ABCA5: variants seen among roughly 807,000 people sequenced by gnomAD.
ABCA5 encodes cholesterol transporter ABCA5.
Under a neutral mutation model 206.0 loss-of-function variants are expected in ABCA5, and 163 were observed. The ratio of observed to expected loss-of-function variants is 0.79; its 90% CI spans 0.70 to 0.90. The LOEUF (loss-of-function observed/expected upper bound fraction) is 0.90, where lower values mean the gene tolerates loss of function less well. Among genes scored for constraint, ABCA5 ranks in the 40% least tolerant of loss-of-function variants. The pLI is 0.00. For missense variants in ABCA5, 1,859 were observed against 1,912.9 expected, an observed-to-expected ratio of 0.97 and a Z score of 0.53; for synonymous variants, 609 against 613.8, an observed-to-expected ratio of 0.99 and a Z score of 0.11.
chr17:69,274,136 G>GAAA lies in ABCA5; in HGVS notation c.2595-11_2595-9dup. On this transcript the variant is annotated splice_polypyrimidine_tract_variant and intron_variant, in intron 19 of 38. Coordinates refer to ENST00000392676, the MANE Select transcript of ABCA5 (RefSeq NM_172232.4). ...ATTAAAAGCAGAAGCAACCTGAAAA[G>GAAA]AAAAAAAAAACAACACAGCTCAGGG... 2 of 1,382,496 alleles carry GAAA rather than the reference G, an allele frequency of 1.4e-6. No homozygotes were observed. Among genetic ancestry groups the GAAA allele is most frequent in the East Asian group, 2.7e-5 (1 of 37,052 alleles). 85.6% of individuals were successfully genotyped at this position (1,382,496 alleles called of 1,614,324 possible). A position where few individuals can be genotyped will look rare whatever the true frequency, so the allele number is the denominator to read the frequency against.
At chr17:69,322,165 A>G (rs1187687545) in intron 1 of ABCA5, among the ~76,000 whole-genome samples, 1 of 151,980 alleles carries the variant, frequency 6.6e-6, no homozygotes, top group Non-Finnish European at 1.5e-5. Flanking sequence ...AGGTCAGGAG[A>G]CAGAAACTAT....
intron 5 of ABCA5, 22 bp downstream of exon 5, chr17:69,308,258 T>C (rs1567780779): frequency 6.8e-7 from 1 of 1,467,090 alleles, no homozygotes; most frequent in Admixed American, 1.8e-5. Flanking sequence ...AGTTTTTGTA[T>C]TTCTTCCTTT....
intron 6 of ABCA5, among the ~76,000 whole-genome samples, chr17:69,305,505 G>A (rs2075706634): frequency 6.6e-6 from 1 of 152,166 alleles, no homozygotes; most frequent in Non-Finnish European, 1.5e-5. Context: ...GACCCTGAGA[G>A]AATGATTTGC....
At chr17:69,291,423 T>C in intron 11 of ABCA5, 97 bp from the exon 12 acceptor site, 1 of 669,554 alleles carries the variant, frequency 1.5e-6, no homozygotes, top group Non-Finnish European at 2.5e-6. Context: ...AGGCACTATA[T>C]CTATAAATAC....
chr17:69,267,798 A>G (rs2075227360), intron 23 of ABCA5, 145 bp downstream of exon 23: 1 of 432,010 alleles, frequency 2.3e-6, no homozygotes. Context: ...CACTTATTAC[A>G]ATAAGAAACT....
rs930095369 is a variant in ABCA5 at position 69,279,170 on chromosome 17, T to C, written c.2393-1328A>G. Reference sequence around the variant, plus strand: ...TCAGCCCAAAATCTCCTTCAGCTGATAGGCAACTTCAGCAAAGTCTCAGGA... The same window carrying C: ...TCAGCCCAAAATCTCCTTCAGCTGACAGGCAACTTCAGCAAAGTCTCAGGA... On this transcript the variant is annotated intron_variant, in intron 18 of 38. Transcript: ENST00000392676. Among the ~76,000 whole-genome samples, 23 of 152,308 alleles carry C rather than the reference T, an allele frequency of 1.5e-4. No individual in the cohort carries two copies. In the Middle Eastern group the frequency reaches 0.01, roughly 68 times the overall value.
intron 24 of ABCA5, among the ~76,000 whole-genome samples, chr17:69,263,384 C>A (rs1189031819): frequency 6.6e-6 from 1 of 152,160 alleles, no homozygotes; most frequent in Non-Finnish European, 1.5e-5. Flanking sequence ...AATCTTTAAT[C>A]CATCTTGAGT....
chr17:69,277,588 T>C (rs1490341369), intron 19 of ABCA5, 53 bp downstream of exon 19: 5 of 1,408,706 alleles, frequency 3.5e-6, no homozygotes, highest in East Asian at 5.0e-5. Flanking sequence ...GTAAAACCAA[T>C]GTGTATCCTT....
intron 1 of ABCA5, chr17:69,315,399 C>A (rs2075806105): frequency 1.3e-5 from 2 of 152,206 alleles, no homozygotes; most frequent in Admixed American, 1.3e-4. Context: ...TGGTTGACAG[C>A]CTGCTAAGAG....
intron 1 of ABCA5, among the ~76,000 whole-genome samples, chr17:69,317,516 T>G (rs1008122623): frequency 1.3e-5 from 2 of 152,028 alleles, no homozygotes; most frequent in African/African-American, 4.8e-5. Context: ...TGTTATATGA[T>G]TCCCTTTATA....
chr17:69,310,286 T>C (rs564559442), intron 3 of ABCA5, among the ~76,000 whole-genome samples: 5 of 152,140 alleles, frequency 3.3e-5, no homozygotes, highest in African/African-American at 1.2e-4. Flanking sequence ...TAGTCACTCA[T>C]CACCATGCCT....
At chr17:69,261,438 T>C (rs910183899) in intron 25 of ABCA5, among the ~76,000 whole-genome samples, 179 bp from the exon 26 acceptor site, 2 of 152,036 alleles carry the variant, frequency 1.3e-5, no homozygotes, top group African/African-American at 4.8e-5. Context: ...GATACACTAG[T>C]TGCTAAATCT....
At chr17:69,292,812 A>C (rs1183881684) in intron 11 of ABCA5, among the ~76,000 whole-genome samples, 1 of 152,214 alleles carries the variant, frequency 6.6e-6, no homozygotes, top group Non-Finnish European at 1.5e-5. Flanking sequence ...CTGCTAGTAG[A>C]ATTAAAAGGC....
rs763053145 is a variant in ABCA5 at position 69,306,815 on chromosome 17, C to T, written c.698G>A (p.Gly233Glu). The stretch of plus-strand genomic sequence containing the variant: ...TACGATATGAATTGCCAAAAAGTAT[C>T]CAAAAGGTGAAAATGCTATAACTAG... Reference protein sequence around the residue: ...IYLVIAFSPFGYFLAIHIVAE... With the variant: ...IYLVIAFSPFEYFLAIHIVAE... The change falls in exon 6 of 39, where the codon GGA becomes GAA. Residue 233 changes from glycine to glutamate, a missense_variant. Transcript: ENST00000392676. 11 of 1,592,326 alleles carry T rather than the reference C, an allele frequency of 6.9e-6. No individual in the cohort carries two copies. The South Asian group carries it at 1.1e-4, about 17-fold the overall frequency.
intron 28 of ABCA5, among the ~76,000 whole-genome samples, chr17:69,259,436 G>A (rs1319157663): frequency 1.3e-5 from 2 of 151,942 alleles, no homozygotes; most frequent in Admixed American, 1.3e-4. Context: ...TAAGAGAATT[G>A]TTGGTCTTTT....
intron 1 of ABCA5, among the ~76,000 whole-genome samples, chr17:69,319,761 A>AT (rs1174501810): frequency 2.0e-5 from 3 of 152,220 alleles, no homozygotes; most frequent in Non-Finnish European, 4.4e-5. Context: ...TATCTTCCCA[A>AT]TATATTTTCA....
chr17:69,320,910 C>A (rs1364623691), intron 1 of ABCA5, among the ~76,000 whole-genome samples: 1 of 152,166 alleles, frequency 6.6e-6, no homozygotes, highest in Admixed American at 6.5e-5. Context: ...AAATATTTGG[C>A]TTCCTTTTCA....
chr17:69,305,449 C>T (rs1487059462), intron 6 of ABCA5, among the ~76,000 whole-genome samples: 2 of 152,100 alleles, frequency 1.3e-5, no homozygotes, highest in African/African-American at 2.4e-5. Flanking sequence ...AAAAAGGTAG[C>T]GAAATTATCA....
At chr17:69,295,594 AAT>A (rs1475409960) in intron 10 of ABCA5, among the ~76,000 whole-genome samples, 1 of 152,196 alleles carries the variant, frequency 6.6e-6, no homozygotes, top group Non-Finnish European at 1.5e-5. Context: ...GCTATGATTT[AAT>A]ACTGCATCTT....
Sources: gnomAD v4.1 joint callset for allele counts (sites outside exome capture counted in the v4.1 genomes callset) on GRCh38, gnomAD v4.1.1 for gene constraint, MANE v1.5 for transcripts, NCBI Gene and HGNC (gene_info 2026-07-23, HGNC 2026-07-21) for gene names.